The following MBNL1 variants were observed in gnomAD, a reference collection of about 807,000 sequenced individuals.
MBNL1 encodes the protein muscleblind like splicing regulator 1.
A neutral mutation model predicts 42.2 loss-of-function variants in MBNL1; 8 were observed. The ratio of observed to expected loss-of-function variants is 0.19; its 90% CI spans 0.11 to 0.34. MBNL1 has a LOEUF of 0.34. MBNL1 is among the 10% of genes least tolerant of loss of function. The pLI is 1.00. For missense variants in MBNL1, 309 were observed against 495.3 expected (o/e 0.62, Z 3.57); for synonymous variants, 169 against 173.9 (o/e 0.97, Z 0.22).
rs572866496 is a variant in MBNL1 at position 152,420,589 on chromosome 3, G to A, written c.345+5478G>A. Among the ~76,000 whole-genome samples the A allele has an allele frequency of 1.1e-4, 16 of 152,212 alleles. No homozygotes were observed. The South Asian group carries it at 1.7e-3, about 16-fold the overall frequency. On this transcript the variant is annotated intron_variant, in intron 3 of 9. Transcript: ENST00000324210. Reference sequence around the variant, plus strand: ...TAACATCAACATCAACAAAAAGGACGCCCATGCAAAAACCCTATCGAAGGT... The same window carrying A: ...TAACATCAACATCAACAAAAAGGACACCCATGCAAAAACCCTATCGAAGGT...
intron 2 of MBNL1, among the ~76,000 whole-genome samples, chr3:152,373,134 T>TG (rs887342166): frequency 6.6e-6 from 1 of 152,060 alleles, no homozygotes; most frequent in African/African-American, 2.4e-5. Context: ...TCAGTAATGG[T>TG]GGACGCTTCT....
At chr3:152,423,077 A>AGAT (rs2098833161) in intron 3 of MBNL1, among the ~76,000 whole-genome samples, 1 of 152,226 alleles carries the variant, frequency 6.6e-6, no homozygotes, top group African/African-American at 2.4e-5. Context: ...AGCTAGCAGA[A>AGAT]GATAAATAAG....
chr3:152,337,779 C>T (rs2091393784), intron 2 of MBNL1, among the ~76,000 whole-genome samples: 1 of 152,030 alleles, frequency 6.6e-6, no homozygotes. Flanking sequence ...CTTCTCTTAT[C>T]TCATTGAATT....
At chr3:152,352,016 CAT>C (rs1429500838) in intron 2 of MBNL1, among the ~76,000 whole-genome samples, 2 of 152,030 alleles carry the variant, frequency 1.3e-5, no homozygotes, top group Non-Finnish European at 2.9e-5. Flanking sequence ...TACAGTTAGA[CAT>C]AGAAACATTA....
intron 2 of MBNL1, among the ~76,000 whole-genome samples, chr3:152,399,518 A>ATTTTT (rs879464935): frequency 1.4e-5 from 2 of 147,076 alleles, no homozygotes; most frequent in East Asian, 3.9e-4. Flanking sequence ...TTAATTAATT[A>ATTTTT]TTTTTTTTTT....
chr3:152,452,480 T>C (rs1481870849), intron 6 of MBNL1, among the ~76,000 whole-genome samples: 4 of 152,172 alleles, frequency 2.6e-5, no homozygotes, highest in Admixed American at 2.6e-4. Flanking sequence ...TTCTTCATGC[T>C]TCAGTCACCG....
chr3:152,453,218 G>A (rs1021651650), intron 6 of MBNL1, among the ~76,000 whole-genome samples: 9 of 151,858 alleles, frequency 5.9e-5, no homozygotes, highest in Admixed American at 6.6e-5. Flanking sequence ...TTATTACATC[G>A]AAATTCTAAC....
chr3:152,287,918 AAAAGATATTGTTTTCTATTTAGC>A (rs2084463526), intron 1 of MBNL1, among the ~76,000 whole-genome samples: 2 of 152,344 alleles, frequency 1.3e-5, no homozygotes, highest in South Asian at 2.1e-4. Context: ...ATAATTAAGA[AAAAGATATTGTTTTCTATTTAGC>A]AAAGGAACTA....
chr3:152,315,117 G>A (rs1218389899), intron 2 of MBNL1, among the ~76,000 whole-genome samples: 1 of 152,194 alleles, frequency 6.6e-6, no homozygotes, highest in African/African-American at 2.4e-5. Flanking sequence ...GCTATTTCAG[G>A]CTTTTAACAT....
chr3:152,307,449 C>T (rs182309068), intron 2 of MBNL1, among the ~76,000 whole-genome samples: 2 of 152,020 alleles, frequency 1.3e-5, no homozygotes, highest in African/African-American at 4.8e-5. Context: ...TTATTTTTTC[C>T]GTATGGAGTA....
intron 2 of MBNL1, among the ~76,000 whole-genome samples, chr3:152,251,497 A>C (rs1441661140): frequency 6.6e-6 from 1 of 152,094 alleles, no homozygotes; most frequent in East Asian, 1.9e-4. Context: ...AGATCTCTTG[A>C]ATGTCATGTC....
Position 152,414,983 on chromosome 3 carries a change from C to T in MBNL1, c.217C>T (p.Pro73Ser), listed in dbSNP as rs747301610. 3 of 1,608,232 alleles carry T rather than the reference C, an allele frequency of 1.9e-6. No homozygotes were observed. Among genetic ancestry groups the T allele is most frequent in the Non-Finnish European group, 1.7e-6 (2 of 1,178,214 alleles). ...RENCKYLHPP[P>S]HLKTQLEING... ...GAACTGCAAATATCTTCATCCACCC[C>T]CACATTTAAAAACGCAGTTGGAGAT... Residue 73 changes from proline to serine, a missense_variant, in exon 3 of 10, where the codon CCA becomes TCA. By Grantham distance (74) the Pro-to-Ser change is moderately conservative. Transcript: ENST00000324210.
In MBNL1 at chr3:152,465,422, A is replaced by G. The variant is rs1377085775; in HGVS notation, c.*3056A>G. 6.6e-6 allele frequency: 1 copy of G among 152,606 alleles called. No individual in the cohort carries two copies. The highest frequency in any genetic ancestry group is 2.4e-5 in the African/African-American group (1 of 41,440). The allele number at this position is 152,606 out of a possible 1,614,324, so 9.5% of individuals were successfully genotyped here. ...GATCCTGTTCTTTCAGCAGGTGAAA[A>G]ATAAAACGCAGTTCAAATTTCATGG... On this transcript the variant is annotated 3_prime_UTR_variant, in exon 10 of 10. Coordinates refer to ENST00000324210, the MANE Select transcript of MBNL1 (RefSeq NM_021038.5).
intron 2 of MBNL1, chr3:152,335,049 G>A: frequency 1.6e-6 from 2 of 1,234,076 alleles, no homozygotes; most frequent in South Asian, 2.8e-5. Context: ...TGCTGCTGCT[G>A]CTAATATTGC....
chr3:152,444,992 GTTA>G (rs777995324), intron 4 of MBNL1, among the ~76,000 whole-genome samples: 2 of 152,192 alleles, frequency 1.3e-5, no homozygotes, highest in Admixed American at 6.5e-5. Flanking sequence ...TTACTGTGAA[GTTA>G]TTATTTTTCC....
At chr3:152,398,461 CAT>C (rs535000674) in intron 2 of MBNL1, among the ~76,000 whole-genome samples, 23 of 152,076 alleles carry the variant, frequency 1.5e-4, no homozygotes, top group Non-Finnish European at 1.8e-4. Context: ...ATTCAAAAAA[CAT>C]ACATTAAAAT....
rs200574173 is a variant in MBNL1, at chr3:152,287,338, A to G, written c.-789-12067A>G. On this transcript the variant is annotated intron_variant, in intron 1 of 9. Transcript: ENST00000324210. ...TTTTGTAACATTTTATAAGCATACT[A>G]CCTTGCTGAAGTAGTCGATGGAATA... Among the ~76,000 whole-genome samples the G allele has an allele frequency of 5.9e-5, 9 of 152,178 alleles. No individual in the cohort carries two copies. The East Asian group carries it at 1.5e-3, about 26-fold the overall frequency.
Position 152,320,718 on chromosome 3 carries a change from G to A in MBNL1, c.174+20351G>A, listed in dbSNP as rs554988919. Among the ~76,000 whole-genome samples the A allele has an allele frequency of 2.1e-5, 3 of 142,902 alleles. No individual in the cohort carries two copies. The East Asian group carries it at 6.0e-4, about 28-fold the overall frequency. 93.7% of individuals were successfully genotyped at this position (142,902 alleles called of 152,430 possible). A position where few individuals can be genotyped will look rare whatever the true frequency, so the allele number is the denominator to read the frequency against. On this transcript the variant is annotated intron_variant, in intron 2 of 9. Transcript: ENST00000324210. ...TTTTTTAATCTTTTTTGACTCTACC[G>A]AGAATATTGAAAAGAGTTTTGATTA...
In MBNL1 at chr3:152,459,175, CACTTT is replaced by C. The variant is rs550082975; in HGVS notation, c.1093-95_1093-91del. The C allele has an allele frequency of 4.7e-3, 2,974 of 628,930 alleles. 33 individuals are homozygous for C. The highest frequency in any genetic ancestry group is 0.019 in the South Asian group (740 of 38,432). The allele number at this position is 628,930 out of a possible 1,614,324, so 39.0% of individuals were successfully genotyped here. On this transcript the variant is annotated intron_variant, in intron 8 of 9. Transcript: ENST00000324210. The stretch of plus-strand genomic sequence containing the variant: ...GGACTATCACCTCACAGCTGAATTT[CACTTT>C]TCTTTAAAAATTTAATATTAAAATG...
Sources: gnomAD v4.1 joint callset for allele counts (sites outside exome capture counted in the v4.1 genomes callset) on GRCh38, gnomAD v4.1.1 for gene constraint, MANE v1.5 for transcripts, NCBI Gene and HGNC (gene_info 2026-07-23, HGNC 2026-07-21) for gene names.